The following ABHD17B variants were observed in gnomAD, a reference collection of about 807,000 sequenced individuals.
ABHD17B encodes the protein abhydrolase domain containing 17B, depalmitoylase, also known as alpha/beta hydrolase domain-containing protein 17B.
A neutral mutation model predicts 26.2 loss-of-function variants in ABHD17B; 9 were observed. That is an observed-to-expected ratio of 0.34 (90% CI 0.21 to 0.60). The LOEUF (loss-of-function observed/expected upper bound fraction) is 0.60. ABHD17B is among the 20% of genes least tolerant of loss of function. ABHD17B has a pLI of 0.80. For synonymous variants in ABHD17B, 127 were observed against 122.3 expected, an observed-to-expected ratio of 1.04 and a Z score of -0.25; for missense variants, 224 against 352.1, an observed-to-expected ratio of 0.64 and a Z score of 2.91.
chr9:71,910,838 C>G lies in ABHD17B; in HGVS notation c.-208G>C, dbSNP rs1827447286. On this transcript the variant is annotated 5_prime_UTR_variant, in exon 1 of 4. Transcript: ENST00000333421. ...AAGAAGGACGGCGGCGCCCCAGGGG[C>G]CCCGCTCACGCTCCCGAGTCTCGCC... 1 of 151,526 alleles carries G rather than the reference C, an allele frequency of 6.6e-6. No individual in the cohort carries two copies. The highest frequency in any genetic ancestry group is 2.1e-4 in the South Asian group (1 of 4,806). The allele number at this position is 151,526 out of a possible 1,614,324, so 9.4% of individuals were successfully genotyped here.
chr9:71,889,048 G>A (rs1046371084), intron 1 of ABHD17B, among the ~76,000 whole-genome samples: 1 of 151,218 alleles, frequency 6.6e-6, no homozygotes, highest in Non-Finnish European at 1.5e-5. Context: ...CAGGTGCAGT[G>A]TCTCACGCCT....
intron 1 of ABHD17B, among the ~76,000 whole-genome samples, chr9:71,906,723 T>A (rs1827295167): frequency 6.6e-6 from 1 of 151,676 alleles, no homozygotes; most frequent in Non-Finnish European, 1.5e-5. Flanking sequence ...GAGGCTGAAG[T>A]GGGAGGATCC....
Position 71,874,932 on chromosome 9 carries a change from A to G in ABHD17B, c.149T>C (p.Leu50Pro). The change falls in exon 2 of 4, where the codon CTG becomes CCG. Residue 50 changes from leucine (L) to proline (P), a missense_variant. By Grantham distance (98) the Leu-to-Pro change is moderately conservative. Coordinates refer to ENST00000333421, the MANE Select transcript of ABHD17B (RefSeq NM_001025780.3). ...DESGSRWTLH[L>P]SERADWQYSS... ...ATACTGCCAGTCTGCTCGTTCAGAC[A>G]GATGTAAAGTCCAACGGCTTCCGCT... 1 of 1,614,224 alleles carries G rather than the reference A, an allele frequency of 6.2e-7. No homozygotes were observed.
At chr9:71,875,117 T>C (rs376967325) in intron 1 of ABHD17B, 34 bp from the exon 2 acceptor site, 356 of 1,512,974 alleles carry the variant, frequency 2.4e-4, no homozygotes, top group Non-Finnish European at 2.6e-4. Flanking sequence ...AATATTTTAA[T>C]AACTGAATGT....
Position 71,865,372 on chromosome 9 carries a change from T to C in ABHD17B, c.*1415A>G. The C allele has an allele frequency of 1.0e-6, 1 of 983,328 alleles. No individual in the cohort carries two copies. The highest frequency in any genetic ancestry group is 1.2e-6 in the Non-Finnish European group (1 of 827,702). 60.9% of individuals were successfully genotyped at this position (983,328 alleles called of 1,614,324 possible). Reference sequence around the variant, plus strand: ...ATTAGACTACATACCATTAATTTTATTTTTATTTTTCATTGTTTTATTCAG... The same window carrying C: ...ATTAGACTACATACCATTAATTTTACTTTTATTTTTCATTGTTTTATTCAG... On this transcript the variant is annotated 3_prime_UTR_variant, in exon 4 of 4. Transcript: ENST00000333421.
At chr9:71,900,229 C>G (rs1032134327) in intron 1 of ABHD17B, among the ~76,000 whole-genome samples, 1 of 152,160 alleles carries the variant, frequency 6.6e-6, no homozygotes, top group Non-Finnish European at 1.5e-5. Flanking sequence ...TCAAAATGTG[C>G]GAGTAAACAC....
chr9:71,896,536 C>T lies in ABHD17B; in HGVS notation c.-4+14098G>A, dbSNP rs577645875. 5.9e-5 allele frequency among the ~76,000 whole-genome samples: 9 copies of T among 152,052 alleles called. No individual in the cohort carries two copies. The South Asian group carries it at 1.5e-3, about 25-fold the overall frequency. ...GGAGGAGGGTTAGAATTTCAGCCTGCGAATAAAAAAGATGCCAAATTTGTA... is the reference window on the plus strand; with the variant it reads ...GGAGGAGGGTTAGAATTTCAGCCTGTGAATAAAAAAGATGCCAAATTTGTA... On this transcript the variant is annotated intron_variant, in intron 1 of 3. Coordinates refer to ENST00000333421, the MANE Select transcript of ABHD17B (RefSeq NM_001025780.3).
rs769949036 is a variant in ABHD17B at position 71,870,293 on chromosome 9, C to A, written c.468-31G>T. 16 of 1,536,334 alleles carry A rather than the reference C, an allele frequency of 1.0e-5. No homozygotes were observed. In the Admixed American group the frequency reaches 2.0e-4, roughly 19 times the overall value. On this transcript the variant is annotated intron_variant, in intron 2 of 3. Transcript: ENST00000333421. ...AAGTTCAGGCGTTAAAAACAAAAAC[C>A]AAAAAAGTTGGAGTGATATGAAATG...
At chr9:71,899,744 T>C (rs1177753825) in intron 1 of ABHD17B, among the ~76,000 whole-genome samples, 1 of 152,108 alleles carries the variant, frequency 6.6e-6, no homozygotes, top group African/African-American at 2.4e-5. Flanking sequence ...TCTGGCAAAA[T>C]TATACTAAAT....
At chr9:71,868,630 C>T (rs144119947) in intron 3 of ABHD17B, among the ~76,000 whole-genome samples, 540 of 152,180 alleles carry the variant, frequency 3.5e-3, no homozygotes, top group African/African-American at 0.012. Flanking sequence ...AGATGTTCAG[C>T]GGTAGAGGAA....
chr9:71,873,287 T>C (rs887876306), intron 2 of ABHD17B, among the ~76,000 whole-genome samples: 1 of 152,192 alleles, frequency 6.6e-6, no homozygotes, highest in Non-Finnish European at 1.5e-5. Flanking sequence ...TTTAGGTATC[T>C]TGGTGACTAG....
At chr9:71,894,707 T>C (rs576940503) in intron 1 of ABHD17B, among the ~76,000 whole-genome samples, 1 of 152,314 alleles carries the variant, frequency 6.6e-6, no homozygotes, top group South Asian at 2.1e-4. Flanking sequence ...TGGTGGCTCA[T>C]GCCAGCTACT....
At chr9:71,867,830 C>A (rs761850039) in intron 3 of ABHD17B, among the ~76,000 whole-genome samples, 88 of 152,236 alleles carry the variant, frequency 5.8e-4, no homozygotes, top group Non-Finnish European at 1.1e-3. Flanking sequence ...CATTTACATA[C>A]TGGCTACTAT....
At chr9:71,862,562 A>T, downstream of ABHD17B, 1 of 1,584,542 alleles carries the variant, frequency 6.3e-7, no homozygotes, top group Non-Finnish European at 8.7e-7. Flanking sequence ...GTCATTGAAA[A>T]CTGTAGACCT....
intron 2 of ABHD17B, among the ~76,000 whole-genome samples, chr9:71,874,330 A>G (rs532433129): frequency 3.9e-5 from 6 of 152,330 alleles, no homozygotes; most frequent in African/African-American, 1.2e-4. Flanking sequence ...GACTATAGGC[A>G]TGCACCATGG....
intron 1 of ABHD17B, among the ~76,000 whole-genome samples, chr9:71,904,434 A>T (rs1589233350): frequency 6.6e-6 from 1 of 152,330 alleles, no homozygotes; most frequent in African/African-American, 2.4e-5. Context: ...TTGACCCTAT[A>T]GCTGAGAAAA....
chr9:71,900,400 C>A lies in ABHD17B; in HGVS notation c.-4+10234G>T, dbSNP rs1322784586. ...AAATCAAGGTTCGGGGACGGTGGCT[C>A]GTGCCTGTAATCCCAGCACTTTGGG... On this transcript the variant is annotated intron_variant, in intron 1 of 3. Coordinates refer to ENST00000333421, the MANE Select transcript of ABHD17B (RefSeq NM_001025780.3). 2.0e-5 allele frequency among the ~76,000 whole-genome samples: 3 copies of A among 152,250 alleles called. No homozygotes were observed. In the East Asian group the frequency reaches 5.8e-4, roughly 29 times the overall value.
At chr9:71,867,742 C>T (rs1825997115) in intron 3 of ABHD17B, among the ~76,000 whole-genome samples, 1 of 152,084 alleles carries the variant, frequency 6.6e-6, no homozygotes, top group African/African-American at 2.4e-5. Context: ...CTGCCTGCCC[C>T]CAAGACTGGA....
intron 1 of ABHD17B, among the ~76,000 whole-genome samples, chr9:71,902,246 T>G (rs1015920330): frequency 6.6e-6 from 1 of 152,196 alleles, no homozygotes; most frequent in Non-Finnish European, 1.5e-5. Flanking sequence ...ATCTCTTTAG[T>G]GAGACTTATT....
Sources: allele counts gnomAD v4.1 joint callset (sites outside exome capture counted in the v4.1 genomes callset), GRCh38; gene constraint gnomAD v4.1.1; transcripts MANE v1.5; gene names NCBI Gene and HGNC (gene_info 2026-07-23, HGNC 2026-07-21).